NEGR1: variants seen among roughly 807,000 people sequenced by gnomAD.
NEGR1 encodes the protein neuronal growth regulator 1, also known as IgLON family member 4.
In NEGR1, 10 loss-of-function variants were observed where a neutral mutation model predicts 40.9. That is an observed-to-expected ratio of 0.24 (90% CI 0.15 to 0.42). The LOEUF is 0.42. Among genes scored for constraint, NEGR1 ranks in the 10% least tolerant of loss-of-function variants. The pLI is 1.00. For synonymous variants in NEGR1, 185 were observed against 166.8 expected, an observed-to-expected ratio of 1.11 and a Z score of -0.84; for missense variants, 352 against 438.9, an observed-to-expected ratio of 0.80 and a Z score of 1.77.
At chr1:71,715,986 T>A (rs1169824223) in intron 3 of NEGR1, among the ~76,000 whole-genome samples, 1 of 152,162 alleles carries the variant, frequency 6.6e-6, no homozygotes, top group East Asian at 1.9e-4. Flanking sequence ...ACCGTTCTCA[T>A]GCTGTTGTAA....
intron 1 of NEGR1, among the ~76,000 whole-genome samples, chr1:72,108,082 C>A (rs989311589): frequency 6.6e-6 from 1 of 151,444 alleles, no homozygotes; most frequent in Non-Finnish European, 1.5e-5. Context: ...AAATTTGCAG[C>A]TGAGCATTTT....
At chr1:72,232,208 T>C (rs532748304) in intron 1 of NEGR1, among the ~76,000 whole-genome samples, 1 of 151,644 alleles carries the variant, frequency 6.6e-6, no homozygotes, top group African/African-American at 2.4e-5. Flanking sequence ...ACAAAAAAAA[T>C]TATCTGGGCG....
chr1:71,946,139 C>G (rs1646016561), intron 1 of NEGR1, among the ~76,000 whole-genome samples: 1 of 152,084 alleles, frequency 6.6e-6, no homozygotes, highest in Non-Finnish European at 1.5e-5. Context: ...GACTTGACCT[C>G]CTGGGTTCAA....
chr1:71,849,669 C>G (rs554807886), intron 2 of NEGR1, among the ~76,000 whole-genome samples: 125 of 152,164 alleles, frequency 8.2e-4, no homozygotes, highest in African/African-American at 2.8e-3. Flanking sequence ...GAGGAAGGGT[C>G]AATCTATGTG....
chr1:71,716,670 C>T (rs934084419), intron 3 of NEGR1, among the ~76,000 whole-genome samples: 4 of 152,070 alleles, frequency 2.6e-5, no homozygotes, highest in African/African-American at 9.7e-5. Flanking sequence ...GTTGGAGAAA[C>T]AACACATATG....
chr1:72,071,086 C>T (rs1452781802), intron 1 of NEGR1, among the ~76,000 whole-genome samples: 1 of 151,890 alleles, frequency 6.6e-6, no homozygotes, highest in Non-Finnish European at 1.5e-5. Flanking sequence ...AGATTCAATT[C>T]TCAAAGTTCT....
At chr1:72,175,693 A>T (rs1025426550) in intron 1 of NEGR1, among the ~76,000 whole-genome samples, 1 of 152,042 alleles carries the variant, frequency 6.6e-6, no homozygotes, top group Non-Finnish European at 1.5e-5. Context: ...TTAAAAAAAA[A>T]ACACATGTGA....
chr1:71,551,522 A>C (rs1006639384), intron 6 of NEGR1, among the ~76,000 whole-genome samples: 4 of 151,738 alleles, frequency 2.6e-5, no homozygotes, highest in East Asian at 2.0e-4. Flanking sequence ...CTTTTCTTGC[A>C]CTTATTTATA....
intron 6 of NEGR1, among the ~76,000 whole-genome samples, chr1:71,434,483 A>G (rs1429374080): frequency 6.6e-6 from 1 of 152,176 alleles, no homozygotes; most frequent in East Asian, 1.9e-4. Flanking sequence ...ACTGTGTGAT[A>G]GTAATCATCT....
chr1:72,221,641 T>C (rs926311582), intron 1 of NEGR1, among the ~76,000 whole-genome samples: 2 of 152,112 alleles, frequency 1.3e-5, no homozygotes, highest in Admixed American at 1.3e-4. Context: ...TGACATACAA[T>C]ACCACCCCAG....
At chr1:71,842,589 T>C (rs1659281691) in intron 2 of NEGR1, among the ~76,000 whole-genome samples, 1 of 152,198 alleles carries the variant, frequency 6.6e-6, no homozygotes, top group Non-Finnish European at 1.5e-5. Context: ...TGTCTTCCAA[T>C]TTTTCATAGA....
intron 1 of NEGR1, among the ~76,000 whole-genome samples, chr1:72,160,289 A>G (rs1371361635): frequency 6.6e-6 from 1 of 152,136 alleles, no homozygotes; most frequent in Non-Finnish European, 1.5e-5. Flanking sequence ...TCTCACTGGA[A>G]TATTATATCA....
At chr1:71,711,481 C>A (rs199650622) in intron 3 of NEGR1, among the ~76,000 whole-genome samples, 6,164 of 125,376 alleles carry the variant, frequency 0.049, no homozygotes, top group Non-Finnish European at 0.062. Flanking sequence ...CTAAAATTTA[C>A]AAAAAAAAAA....
At chr1:71,666,457 AAACATACAAACACC>A (rs1194000800) in intron 4 of NEGR1, among the ~76,000 whole-genome samples, 1 of 151,576 alleles carries the variant, frequency 6.6e-6, no homozygotes, top group African/African-American at 2.4e-5. Context: ...ATTAAAAATG[AAACATACAAACACC>A]CACCTTGGAT....
intron 2 of NEGR1, among the ~76,000 whole-genome samples, chr1:71,867,035 A>G (rs1318599691): frequency 1.3e-5 from 2 of 152,168 alleles, no homozygotes; most frequent in African/African-American, 4.8e-5. Flanking sequence ...TGTGCCTTTG[A>G]AAGGGAAAAT....
chr1:71,984,870 T>A (rs1334357537), intron 1 of NEGR1, among the ~76,000 whole-genome samples: 3 of 152,164 alleles, frequency 2.0e-5, no homozygotes, highest in African/African-American at 7.2e-5. Context: ...CTAATAAGAA[T>A]AATGATATAA....
At chr1:72,081,028 G>A (rs1420462289) in intron 1 of NEGR1, among the ~76,000 whole-genome samples, 1 of 152,012 alleles carries the variant, frequency 6.6e-6, no homozygotes, top group Non-Finnish European at 1.5e-5. Context: ...AAAAATAAGA[G>A]AAACAATTAG....
intron 1 of NEGR1, among the ~76,000 whole-genome samples, chr1:71,959,158 T>C (rs921824633): frequency 2.0e-5 from 3 of 152,182 alleles, no homozygotes; most frequent in Middle Eastern, 3.2e-3. Context: ...TAATTTACTT[T>C]CACTCTTCCA....
At position 71,698,042 on chromosome 1, in the gene NEGR1, G is replaced by A. The variant is rs768377820; in HGVS notation, c.633C>T (p.Phe211=). Residue 211 remains phenylalanine (F), a synonymous_variant, in exon 4 of 7, where the codon TTC becomes TTT. Coordinates refer to ENST00000357731, the MANE Select transcript of NEGR1 (RefSeq NM_173808.3). ...YECSAENDVS[F]PDVRKVKVVV... is the part of the protein sequence containing the mutation. ...CAACTTTTACTTTCCTCACATCTGG[G>A]AATGACACATCATTTTCCGCACTGC... 2.5e-6 allele frequency: 4 copies of A among 1,611,358 alleles called. No homozygotes were observed. The highest frequency in any genetic ancestry group is 1.7e-4 in the Middle Eastern group (1 of 6,040).
Sources: allele counts gnomAD v4.1 joint callset (sites outside exome capture counted in the v4.1 genomes callset), GRCh38; gene constraint gnomAD v4.1.1; transcripts MANE v1.5; gene names NCBI Gene and HGNC (gene_info 2026-07-23, HGNC 2026-07-21).